The following HS6ST3 variants were observed in gnomAD, a reference collection of about 807,000 sequenced individuals.
The protein encoded by HS6ST3 is heparan sulfate 6-O-sulfotransferase 3, also known as heparan-sulfate 6-O-sulfotransferase 3.
Under a neutral mutation model 36.7 loss-of-function variants are expected in HS6ST3, and 12 were observed. The observed-to-expected ratio is 0.33, with a 90% CI of 0.21 to 0.53. HS6ST3 has a LOEUF of 0.53. Ranked by LOEUF, HS6ST3 falls within the 20% of genes least tolerant of loss-of-function variation. The pLI, the probability that HS6ST3 is intolerant of heterozygous loss-of-function variation, is 0.95. For synonymous variants in HS6ST3, 240 were observed against 257.5 expected, an observed-to-expected ratio of 0.93 and a Z score of 0.65; for missense variants, 584 against 640.9, an observed-to-expected ratio of 0.91 and a Z score of 0.96.
Position 96,820,390 on chromosome 13 carries a change from C to T in HS6ST3, c.708-12100C>T, listed in dbSNP as rs530617399. On this transcript the variant is annotated intron_variant, in intron 1 of 1. Transcript: ENST00000376705. ...ATGGAGAAGGGAGAACGCTGAAGTG[C>T]GGAGTGTGTATATAAATGGTGAGGC... 5.9e-5 allele frequency among the ~76,000 whole-genome samples: 9 copies of T among 151,984 alleles called. No individual in the cohort carries two copies. The East Asian group carries it at 1.6e-3, about 26-fold the overall frequency.
intron 1 of HS6ST3, among the ~76,000 whole-genome samples, chr13:96,395,772 A>G (rs1290718123): frequency 1.3e-5 from 2 of 152,148 alleles, no homozygotes; most frequent in East Asian, 1.9e-4. Context: ...GTACTTGGTT[A>G]TATGCACACT....
At chr13:96,378,781 G>T (rs1182288468) in intron 1 of HS6ST3, among the ~76,000 whole-genome samples, 1 of 152,072 alleles carries the variant, frequency 6.6e-6, no homozygotes, top group Admixed American at 6.6e-5. Context: ...GTGCTCACAG[G>T]CATACCTCTA....
rs759835126 is a variant in HS6ST3 at position 96,269,569 on chromosome 13, C to T, written c.707+178000C>T. ...ACATCTCTGTGATTATTTAAATAATCTGTAACTGAAAAATTGTGTCCATTT... is the reference window on the plus strand; with the variant it reads ...ACATCTCTGTGATTATTTAAATAATTTGTAACTGAAAAATTGTGTCCATTT... On this transcript the variant is annotated intron_variant, in intron 1 of 1. Coordinates refer to ENST00000376705, the MANE Select transcript of HS6ST3 (RefSeq NM_153456.4). Among the ~76,000 whole-genome samples the T allele has an allele frequency of 6.1e-4, 92 of 151,958 alleles. 1 individual carries two copies. Among genetic ancestry groups the T allele is most frequent in the Non-Finnish European group, 2.4e-4 (16 of 68,028 alleles).
intron 1 of HS6ST3, among the ~76,000 whole-genome samples, chr13:96,624,986 G>A (rs2056507252): frequency 6.6e-6 from 1 of 152,198 alleles, no homozygotes; most frequent in Non-Finnish European, 1.5e-5. Flanking sequence ...GAGCAAGCAG[G>A]CAGTGGAAGA....
chr13:96,702,397 A>G (rs1043691197), intron 1 of HS6ST3, among the ~76,000 whole-genome samples: 108 of 152,230 alleles, frequency 7.1e-4, no homozygotes, highest in African/African-American at 2.5e-3. Context: ...CCCTTTGGGG[A>G]CAATCTTTCT....
At chr13:96,282,815 A>G (rs535160301) in intron 1 of HS6ST3, among the ~76,000 whole-genome samples, 5 of 152,318 alleles carry the variant, frequency 3.3e-5, no homozygotes, top group African/African-American at 1.2e-4. Context: ...ATATTTCCTC[A>G]GTAAGGTTGC....
chr13:96,688,787 C>T (rs888388951), intron 1 of HS6ST3, among the ~76,000 whole-genome samples: 12 of 152,070 alleles, frequency 7.9e-5, no homozygotes, highest in Non-Finnish European at 1.8e-4. Flanking sequence ...CCCTGGCATA[C>T]GTCCTTCATC....
chr13:96,601,215 A>G (rs2056420501), intron 1 of HS6ST3, among the ~76,000 whole-genome samples: 1 of 152,166 alleles, frequency 6.6e-6, no homozygotes, highest in African/African-American at 2.4e-5. Context: ...CTAAATCTCT[A>G]GCAAGCCCAA....
intron 1 of HS6ST3, among the ~76,000 whole-genome samples, chr13:96,404,109 A>G (rs1321693780): frequency 6.6e-6 from 1 of 152,242 alleles, no homozygotes; most frequent in Non-Finnish European, 1.5e-5. Context: ...AGTTGCAATT[A>G]TAAAACATTT....
At chr13:96,573,281 A>G (rs2056307567) in intron 1 of HS6ST3, among the ~76,000 whole-genome samples, 1 of 152,108 alleles carries the variant, frequency 6.6e-6, no homozygotes, top group African/African-American at 2.4e-5. Flanking sequence ...TGACTAAAGT[A>G]CCTTTTATTT....
intron 1 of HS6ST3, among the ~76,000 whole-genome samples, chr13:96,385,880 C>G (rs2055365401): frequency 6.6e-6 from 1 of 151,956 alleles, no homozygotes; most frequent in South Asian, 2.1e-4. Flanking sequence ...GTAACTTGTC[C>G]CAGTCATTTA....
chr13:96,426,689 A>G (rs2055588869), intron 1 of HS6ST3, among the ~76,000 whole-genome samples: 1 of 152,152 alleles, frequency 6.6e-6, no homozygotes, highest in Non-Finnish European at 1.5e-5. Context: ...TCTGGAGTCA[A>G]CTGCTTCTGT....
chr13:96,464,864 T>C (rs1245428591), intron 1 of HS6ST3, among the ~76,000 whole-genome samples: 2 of 151,590 alleles, frequency 1.3e-5, no homozygotes, highest in African/African-American at 4.8e-5. Flanking sequence ...AAGCTTCTTA[T>C]ATTTTGATTA....
intron 1 of HS6ST3, among the ~76,000 whole-genome samples, chr13:96,635,106 T>C (rs2056544728): frequency 6.6e-6 from 1 of 152,204 alleles, no homozygotes; most frequent in Non-Finnish European, 1.5e-5. Context: ...ATCAAGATTA[T>C]TAAAATTGCT....
intron 1 of HS6ST3, among the ~76,000 whole-genome samples, chr13:96,580,224 A>ATT (rs2056337034): frequency 6.9e-6 from 1 of 144,052 alleles, no homozygotes; most frequent in Non-Finnish European, 1.5e-5. Flanking sequence ...ATATATATAT[A>ATT]TATTTATGAA....
intron 1 of HS6ST3, among the ~76,000 whole-genome samples, chr13:96,257,017 A>G (rs2054640608): frequency 6.6e-6 from 1 of 152,106 alleles, no homozygotes; most frequent in Admixed American, 6.5e-5. Context: ...TCTCAAAAGG[A>G]CTTCCTGTTT....
chr13:96,234,706 T>C (rs2054525976), intron 1 of HS6ST3, among the ~76,000 whole-genome samples: 1 of 152,022 alleles, frequency 6.6e-6, no homozygotes, highest in African/African-American at 2.4e-5. Flanking sequence ...TCCCACCATA[T>C]CCTTCCGATG....
At chr13:96,716,620 A>G (rs1875702263) in intron 1 of HS6ST3, among the ~76,000 whole-genome samples, 1 of 152,286 alleles carries the variant, frequency 6.6e-6, no homozygotes, top group Non-Finnish European at 1.5e-5. Flanking sequence ...TCAATCATCT[A>G]TCATCTACCT....
intron 1 of HS6ST3, among the ~76,000 whole-genome samples, chr13:96,517,547 T>C (rs1465025135): frequency 6.6e-6 from 1 of 152,208 alleles, no homozygotes; most frequent in Non-Finnish European, 1.5e-5. Context: ...ATAACTGTAG[T>C]AGCCCATGCA....
Sources: allele counts gnomAD v4.1 joint callset (sites outside exome capture counted in the v4.1 genomes callset), GRCh38; gene constraint gnomAD v4.1.1; transcripts MANE v1.5; gene names NCBI Gene and HGNC (gene_info 2026-07-23, HGNC 2026-07-21).